Variants in HPSE2 observed in about 807,000 individuals in gnomAD.
HPSE2 encodes the protein heparanase 2 (inactive).
Under a neutral mutation model 60.5 loss-of-function variants are expected in HPSE2, and 38 were observed. That is an observed-to-expected ratio of 0.63 (90% CI 0.48 to 0.82). The LOEUF is 0.82. Among genes scored for constraint, HPSE2 ranks in the 40% least tolerant of loss-of-function variants. The pLI, the probability that HPSE2 is intolerant of heterozygous loss-of-function variation, is 0.00. For synonymous variants in HPSE2, 295 were observed against 293.2 expected (o/e 1.01, Z -0.06); for missense variants, 713 against 740.4 (o/e 0.96, Z 0.43).
rs532525254 is a variant in HPSE2, at chr10:98,780,174, A to G, written c.611-36118T>C. 2.6e-5 allele frequency among the ~76,000 whole-genome samples: 4 copies of G among 152,266 alleles called. No homozygotes were observed. In the South Asian group the frequency reaches 8.3e-4, roughly 32 times the overall value. ...AGATCTGTTTACAAAGTGCTCAGAA[A>G]GCAGGTGATGTCTTCTTTCTGGTAA... On this transcript the variant is annotated intron_variant, in intron 3 of 11. Coordinates refer to ENST00000370552, the MANE Select transcript of HPSE2 (RefSeq NM_021828.5).
At chr10:99,095,293 A>G (rs1035886898) in intron 3 of HPSE2, among the ~76,000 whole-genome samples, 4 of 152,172 alleles carry the variant, frequency 2.6e-5, no homozygotes, top group Admixed American at 2.6e-4. Context: ...CAGCATGGTA[A>G]AGTTAGTTTC....
chr10:99,308,931 T>A, the HPSE2 span, among the ~76,000 whole-genome samples: 1 of 152,196 alleles, frequency 6.6e-6, no homozygotes, highest in Non-Finnish European at 1.5e-5. Flanking sequence ...CAAGAACAGT[T>A]CTTGTATTTT....
rs190713770 is a variant in HPSE2, at chr10:98,926,459, C to T, written c.611-182403G>A. On this transcript the variant is annotated intron_variant, in intron 3 of 11. Coordinates refer to ENST00000370552, the MANE Select transcript of HPSE2 (RefSeq NM_021828.5). ...GAAACAGATCTAATTTAGTCTCCTT[C>T]ATGATAAGCAAGCACTAAATAAAGC... Among the ~76,000 whole-genome samples the T allele has an allele frequency of 2.6e-5, 4 of 152,256 alleles. No individual in the cohort carries two copies. The East Asian group carries it at 5.8e-4, about 22-fold the overall frequency.
the HPSE2 span, among the ~76,000 whole-genome samples, chr10:99,264,021 C>T: frequency 6.6e-6 from 1 of 152,124 alleles, no homozygotes; most frequent in Admixed American, 6.5e-5. Flanking sequence ...TCTACCTCTC[C>T]CCAGCTATCT....
At chr10:98,613,919 T>C (rs1945828206) in intron 9 of HPSE2, among the ~76,000 whole-genome samples, 1 of 152,212 alleles carries the variant, frequency 6.6e-6, no homozygotes, top group Non-Finnish European at 1.5e-5. Context: ...AAGCGTAGCT[T>C]TTCTGGTCCA....
intron 3 of HPSE2, among the ~76,000 whole-genome samples, chr10:98,924,951 C>T (rs867479955): frequency 1.1e-4 from 17 of 152,312 alleles, no homozygotes; most frequent in African/African-American, 2.9e-4. Context: ...CCATTGTGCA[C>T]AGGCAATGGC....
intron 6 of HPSE2, among the ~76,000 whole-genome samples, chr10:98,684,209 C>T (rs772192767): frequency 1.3e-5 from 2 of 152,134 alleles, no homozygotes; most frequent in Non-Finnish European, 2.9e-5. Context: ...GTGAAGGGCA[C>T]TCCCAGGACA....
At chr10:98,674,580 TG>T (rs1355110255) in intron 6 of HPSE2, among the ~76,000 whole-genome samples, 3 of 152,318 alleles carry the variant, frequency 2.0e-5, no homozygotes, top group African/African-American at 7.2e-5. Context: ...AAATAATAAA[TG>T]TTTTCATCTC....
intron 3 of HPSE2, among the ~76,000 whole-genome samples, chr10:98,856,120 G>A (rs183236472): frequency 3.9e-3 from 597 of 152,130 alleles, no homozygotes; most frequent in Non-Finnish European, 6.4e-3. Flanking sequence ...TACACCCATC[G>A]GCAGACATAA....
At chr10:98,822,261 C>T (rs1951442214) in intron 3 of HPSE2, among the ~76,000 whole-genome samples, 1 of 152,112 alleles carries the variant, frequency 6.6e-6, no homozygotes, top group South Asian at 2.1e-4. Flanking sequence ...ACCTAATGGA[C>T]ACTCTGAGGT....
intron 3 of HPSE2, among the ~76,000 whole-genome samples, chr10:98,752,239 A>G (rs982666111): frequency 6.6e-6 from 1 of 152,204 alleles, no homozygotes; most frequent in African/African-American, 2.4e-5. Context: ...TATAAGGAAA[A>G]AAGTCAGAAA....
At chr10:99,039,304 G>C (rs1429563336) in intron 3 of HPSE2, among the ~76,000 whole-genome samples, 1 of 152,014 alleles carries the variant, frequency 6.6e-6, no homozygotes, top group African/African-American at 2.4e-5. Flanking sequence ...ATTCTGAGTA[G>C]ATACATAGAT....
chr10:98,924,503 G>A (rs1257857720), intron 3 of HPSE2: 1 of 152,154 alleles, frequency 6.6e-6, no homozygotes, highest in African/African-American at 2.4e-5. Context: ...TAAAGTGGAG[G>A]GAAAAATAGG....
chr10:99,236,445 A>T (rs1849858181), upstream of HPSE2, among the ~76,000 whole-genome samples: 1 of 151,950 alleles, frequency 6.6e-6, no homozygotes, highest in Admixed American at 6.6e-5. Flanking sequence ...AGCGTCAGGC[A>T]CTTCGTCCGC....
intron 3 of HPSE2, among the ~76,000 whole-genome samples, chr10:98,974,912 G>A (rs1014734278): frequency 6.6e-6 from 1 of 152,128 alleles, no homozygotes; most frequent in African/African-American, 2.4e-5. Context: ...GCCTTCATTA[G>A]TAAGAAAATT....
intron 3 of HPSE2, among the ~76,000 whole-genome samples, chr10:99,005,418 T>A (rs959485938): frequency 1.8e-4 from 28 of 152,154 alleles, no homozygotes; most frequent in Non-Finnish European, 2.5e-4. Flanking sequence ...TTCTTCTGCT[T>A]GATCAATGCT....
chr10:98,929,498 TG>T (rs1473981453), intron 3 of HPSE2, among the ~76,000 whole-genome samples: 1 of 144,048 alleles, frequency 6.9e-6, no homozygotes, highest in Non-Finnish European at 1.5e-5. Flanking sequence ...ATCTTCATAT[TG>T]AACAACGAGA....
chr10:98,851,343 A>G (rs1050649135), intron 3 of HPSE2, among the ~76,000 whole-genome samples: 1 of 152,148 alleles, frequency 6.6e-6, no homozygotes, highest in South Asian at 2.1e-4. Context: ...ATACCTCAAC[A>G]GTCTCCCTTC....
At chr10:99,291,476 T>C in the HPSE2 span, among the ~76,000 whole-genome samples, 162 of 151,840 alleles carry the variant, frequency 1.1e-3, 3 homozygotes, top group African/African-American at 3.6e-3. Flanking sequence ...CCCATCTACT[T>C]GGGAGACTGA....
Sources: gnomAD v4.1 joint callset for allele counts (sites outside exome capture counted in the v4.1 genomes callset) on GRCh38, gnomAD v4.1.1 for gene constraint, MANE v1.5 for transcripts, NCBI Gene and HGNC (gene_info 2026-07-23, HGNC 2026-07-21) for gene names.